The following CNTN6 variants were observed in gnomAD, a reference collection of about 807,000 sequenced individuals.
CNTN6 encodes the protein contactin-6.
Under a neutral mutation model 122.8 loss-of-function variants are expected in CNTN6, and 137 were observed. The ratio of observed to expected loss-of-function variants is 1.12; its 90% confidence interval spans 0.97 to 1.29. The LOEUF is 1.29. CNTN6 is among the 50% of genes most tolerant of loss of function. The probability of loss-of-function intolerance (pLI) is 0.00; values close to 1 mark genes in which losing one functional copy is unlikely to be tolerated. For synonymous variants in CNTN6, 570 were observed against 426.0 expected (o/e 1.34, Z -4.16); for missense variants, 1,634 against 1,223.4 (o/e 1.34, Z -5.01).
At position 1,403,304 on chromosome 3, in the gene CNTN6, T is replaced by C; in HGVS notation, c.2987-14T>C. On this transcript the variant is annotated splice_polypyrimidine_tract_variant and intron_variant, in intron 22 of 22. Transcript: ENST00000446702. ...TATCTCAAAATATTTTTGTCTTATT[T>C]TTATATTTTGCAGGTTTGAGTTCCA... 2 of 1,560,952 alleles carry C rather than the reference T, an allele frequency of 1.3e-6. No homozygotes were observed. Among genetic ancestry groups the C allele is most frequent in the Non-Finnish European group, 1.8e-6 (2 of 1,140,122 alleles).
At chr3:1,192,074 C>G (rs997808351) in intron 2 of CNTN6, among the ~76,000 whole-genome samples, 2 of 152,126 alleles carry the variant, frequency 1.3e-5, no homozygotes, top group Non-Finnish European at 2.9e-5. Context: ...TCTGCCTCGT[C>G]CTTTTGATCC....
chr3:1,384,974 T>C (rs751707263), intron 19 of CNTN6, among the ~76,000 whole-genome samples: 2 of 151,470 alleles, frequency 1.3e-5, no homozygotes, highest in Non-Finnish European at 2.9e-5. Context: ...CTCTGAGCTC[T>C]ACTCCCATCA....
intron 1 of CNTN6, among the ~76,000 whole-genome samples, chr3:1,114,553 A>G (rs937106327): frequency 9.9e-5 from 15 of 151,780 alleles, no homozygotes; most frequent in Admixed American, 1.3e-4. Context: ...CAAGGGGATC[A>G]CAGGTCAATA....
intron 1 of CNTN6, among the ~76,000 whole-genome samples, chr3:1,142,154 A>G (rs1261863499): frequency 2.0e-5 from 3 of 151,758 alleles, no homozygotes; most frequent in South Asian, 2.1e-4. Context: ...GTGCACATTT[A>G]TAGACTGACG....
intron 1 of CNTN6, among the ~76,000 whole-genome samples, chr3:1,131,030 G>C (rs992875226): frequency 6.6e-6 from 1 of 152,126 alleles, no homozygotes; most frequent in Admixed American, 6.6e-5. Flanking sequence ...ACAGCTATCA[G>C]GTTGTTCCAG....
intron 3 of CNTN6, 50 bp from the exon 4 acceptor site, chr3:1,227,768 A>G: frequency 1.3e-6 from 2 of 1,564,428 alleles, no homozygotes; most frequent in Non-Finnish European, 1.7e-6. Flanking sequence ...TAAGACAAAG[A>G]TTGATTGACT....
intron 4 of CNTN6, among the ~76,000 whole-genome samples, chr3:1,275,895 T>C (rs1390972907): frequency 6.6e-6 from 1 of 152,194 alleles, no homozygotes; most frequent in Admixed American, 6.5e-5. Flanking sequence ...CATCTCCTGC[T>C]GCGTGGTTTT....
chr3:1,278,431 C>T lies in CNTN6; in HGVS notation c.377C>T (p.Thr126Ile). The T allele has an allele frequency of 6.2e-7, 1 of 1,606,120 alleles. No individual in the cohort carries two copies. The highest frequency in any genetic ancestry group is 1.1e-5 in the South Asian group (1 of 90,134). The change falls in exon 5 of 23, where the codon ACT becomes ATT. Residue 126 changes from threonine (T) to isoleucine (I), a missense_variant. Transcript: ENST00000446702. The part of the protein sequence containing the change: ...LQFAYIEDFE[T>I]KTRSTVSVRE... ...TTCCAAGATATTGAAGACTTTGAAA[C>T]TAAAACAAGAAGCACAGTATCTGTC...
At chr3:1,099,248 G>C (rs201000102) in intron 1 of CNTN6, among the ~76,000 whole-genome samples, 3 of 151,888 alleles carry the variant, frequency 2.0e-5, no homozygotes, top group Non-Finnish European at 4.4e-5. Context: ...TCAGGAGATC[G>C]AGACCATCCT....
intron 4 of CNTN6, 111 bp from the exon 5 acceptor site, chr3:1,278,302 A>G (rs961691709): frequency 4.3e-6 from 3 of 698,994 alleles, no homozygotes; most frequent in African/African-American, 3.6e-5. Flanking sequence ...TCTGGTCAGC[A>G]AAGTATGAGA....
At chr3:1,153,203 G>A (rs909872518) in intron 2 of CNTN6, among the ~76,000 whole-genome samples, 3 of 152,154 alleles carry the variant, frequency 2.0e-5, no homozygotes, top group African/African-American at 7.2e-5. Flanking sequence ...ATGAGACTTG[G>A]TTTTATCATG....
intron 4 of CNTN6, among the ~76,000 whole-genome samples, chr3:1,249,073 C>T (rs977958564): frequency 6.6e-6 from 1 of 152,126 alleles, no homozygotes; most frequent in Non-Finnish European, 1.5e-5. Flanking sequence ...ACTGATGGTG[C>T]TGCCCTGGAC....
At chr3:1,398,449 A>G (rs1695257469) in intron 20 of CNTN6, among the ~76,000 whole-genome samples, 1 of 152,150 alleles carries the variant, frequency 6.6e-6, no homozygotes, top group South Asian at 2.1e-4. Flanking sequence ...GCATCCAAGT[A>G]AGAGCAATAT....
chr3:1,175,090 C>T (rs1356939208), intron 2 of CNTN6, among the ~76,000 whole-genome samples: 2 of 151,608 alleles, frequency 1.3e-5, no homozygotes, highest in Non-Finnish European at 2.9e-5. Flanking sequence ...AAAATTTGGC[C>T]AGGCATGGTG....
At chr3:1,274,686 A>C (rs1471329386) in intron 4 of CNTN6, among the ~76,000 whole-genome samples, 1 of 152,116 alleles carries the variant, frequency 6.6e-6, no homozygotes, top group Admixed American at 6.5e-5. Context: ...CTACCTCCAA[A>C]AATTTTACTG....
intron 2 of CNTN6, among the ~76,000 whole-genome samples, chr3:1,154,409 G>A (rs569028147): frequency 2.0e-5 from 3 of 151,636 alleles, no homozygotes; most frequent in African/African-American, 7.3e-5. Context: ...CTTGAAAATA[G>A]CATGGAAGGA....
chr3:1,313,948 C>G (rs1364519265), intron 7 of CNTN6, among the ~76,000 whole-genome samples: 1 of 152,008 alleles, frequency 6.6e-6, no homozygotes, highest in Non-Finnish European at 1.5e-5. Flanking sequence ...ACTAATCCCA[C>G]TATGAAGGCT....
chr3:1,142,968 G>GTGTATA (rs1217250181), intron 1 of CNTN6, among the ~76,000 whole-genome samples: 224 of 128,598 alleles, frequency 1.7e-3, no homozygotes, highest in African/African-American at 5.0e-3. Context: ...GTGTGTGTGT[G>GTGTATA]TATATATATA....
chr3:1,301,024 C>CTTTTTTT lies in CNTN6; in HGVS notation c.761+3057_761+3063dup, dbSNP rs562912841. ...AATTTATAATACAGGAGTCCCTAAA[C>CTTTTTTT]TTTTTTTTTTTTTTTTTTTTTTTTT... On this transcript the variant is annotated intron_variant, in intron 7 of 22. Transcript: ENST00000446702. Among the ~76,000 whole-genome samples, 91 of 93,280 alleles carry CTTTTTTT rather than the reference C, an allele frequency of 9.8e-4. 5 individuals are homozygous for CTTTTTTT. Among genetic ancestry groups the CTTTTTTT allele is most frequent in the Non-Finnish European group, 1.4e-3 (72 of 49,802 alleles). 61.2% of individuals were successfully genotyped at this position (93,280 alleles called of 152,430 possible). A position where few individuals can be genotyped will look rare whatever the true frequency, so the allele number is the denominator to read the frequency against.
Sources: gnomAD v4.1 joint callset for allele counts (sites outside exome capture counted in the v4.1 genomes callset) on GRCh38, gnomAD v4.1.1 for gene constraint, MANE v1.5 for transcripts, NCBI Gene and HGNC (gene_info 2026-07-23, HGNC 2026-07-21) for gene names.